ITGA9: variants seen among roughly 807,000 people sequenced by gnomAD.
ITGA9 encodes integrin subunit alpha 9.
In ITGA9, 56 loss-of-function variants were observed where a neutral mutation model predicts 127.8. The ratio of observed to expected loss-of-function variants is 0.44; its 90% CI spans 0.35 to 0.55. The LOEUF (loss-of-function observed/expected upper bound fraction) is 0.55. Among genes scored for constraint, ITGA9 ranks in the 20% least tolerant of loss-of-function variants. The pLI is 0.00. For missense variants in ITGA9, 1,196 were observed against 1,347.1 expected (o/e 0.89, Z 1.76); for synonymous variants, 508 against 514.5 (o/e 0.99, Z 0.17).
At chr3:37,490,379 CT>C (rs1698657512) in intron 4 of ITGA9, among the ~76,000 whole-genome samples, 1 of 152,202 alleles carries the variant, frequency 6.6e-6, no homozygotes, top group Admixed American at 6.5e-5. Context: ...ATAACAACTC[CT>C]TGGTGAAATT....
intron 14 of ITGA9, among the ~76,000 whole-genome samples, chr3:37,541,075 C>G (rs532038575): frequency 6.6e-6 from 1 of 152,358 alleles, no homozygotes; most frequent in East Asian, 1.9e-4. Flanking sequence ...TCACCTTCCT[C>G]TCTGCCTGTT....
chr3:37,664,875 G>T (rs1700571010), intron 17 of ITGA9, among the ~76,000 whole-genome samples: 1 of 151,640 alleles, frequency 6.6e-6, no homozygotes, highest in South Asian at 2.1e-4. Context: ...CCTGGAAAAT[G>T]TTGTCAGAAC....
chr3:37,599,962 G>T (rs558587991), intron 15 of ITGA9, among the ~76,000 whole-genome samples: 6 of 152,112 alleles, frequency 3.9e-5, no homozygotes, highest in African/African-American at 1.2e-4. Context: ...GTTGAGATTC[G>T]TAAAGCAGTA....
intron 22 of ITGA9, chr3:37,748,233 C>T: frequency 2.1e-6 from 1 of 472,550 alleles, no homozygotes; most frequent in South Asian, 1.7e-5. Flanking sequence ...ACATTATAGA[C>T]ATCAAGGGAA....
At chr3:37,507,014 A>G (rs1559522871) in intron 7 of ITGA9, among the ~76,000 whole-genome samples, 1 of 152,198 alleles carries the variant, frequency 6.6e-6, no homozygotes, top group Non-Finnish European at 1.5e-5. Context: ...CCAGTTGACT[A>G]GGCTTGACTA....
intron 3 of ITGA9, among the ~76,000 whole-genome samples, chr3:37,479,447 G>C (rs1431660844): frequency 6.6e-6 from 1 of 152,226 alleles, no homozygotes; most frequent in Non-Finnish European, 1.5e-5. Context: ...TTTTGCCATT[G>C]GGCAGAGAGT....
At chr3:37,805,241 G>A (rs913221883) in intron 27 of ITGA9, among the ~76,000 whole-genome samples, 3 of 152,006 alleles carry the variant, frequency 2.0e-5, no homozygotes, top group Admixed American at 2.0e-4. Flanking sequence ...TAAACATAGG[G>A]TCTCACTATG....
At chr3:37,526,527 G>A (rs917084240) in intron 13 of ITGA9, among the ~76,000 whole-genome samples, 4 of 152,202 alleles carry the variant, frequency 2.6e-5, no homozygotes, top group African/African-American at 9.7e-5. Context: ...CCTGGGGACC[G>A]GGAGCCTCCT....
At chr3:37,470,477 C>T (rs2125552714) in intron 1 of ITGA9, among the ~76,000 whole-genome samples, 1 of 152,240 alleles carries the variant, frequency 6.6e-6, no homozygotes, top group South Asian at 2.1e-4. Context: ...CATTTATTGG[C>T]CATTTGGCTA....
intron 17 of ITGA9, among the ~76,000 whole-genome samples, chr3:37,681,511 C>A (rs529722975): frequency 1.3e-5 from 2 of 152,154 alleles, no homozygotes; most frequent in Non-Finnish European, 2.9e-5. Context: ...AAGAGAGGGT[C>A]TGCCCCCTTT....
At chr3:37,779,301 C>T (rs1378575701) in intron 24 of ITGA9, among the ~76,000 whole-genome samples, 3 of 152,102 alleles carry the variant, frequency 2.0e-5, no homozygotes, top group Non-Finnish European at 4.4e-5. Flanking sequence ...GACAGGGTTT[C>T]ACCATGTTGG....
chr3:37,811,736 G>A (rs1697371163), intron 27 of ITGA9, among the ~76,000 whole-genome samples: 1 of 152,244 alleles, frequency 6.6e-6, no homozygotes, highest in Non-Finnish European at 1.5e-5. Flanking sequence ...TTGGAGCAAA[G>A]GGAAGTGAGA....
intron 15 of ITGA9, among the ~76,000 whole-genome samples, chr3:37,564,815 C>T (rs898352630): frequency 2.6e-5 from 4 of 152,224 alleles, no homozygotes; most frequent in African/African-American, 9.6e-5. Context: ...TCCACCACTA[C>T]AGCCACAACC....
At chr3:37,556,583 C>T (rs577832889) in intron 15 of ITGA9, among the ~76,000 whole-genome samples, 11 of 152,320 alleles carry the variant, frequency 7.2e-5, no homozygotes, top group African/African-American at 2.4e-4. Context: ...AGCGTGCACA[C>T]GAAGAACCTG....
intron 15 of ITGA9, among the ~76,000 whole-genome samples, chr3:37,601,486 TC>T (rs1410310217): frequency 1.3e-5 from 2 of 152,188 alleles, no homozygotes; most frequent in Non-Finnish European, 2.9e-5. Flanking sequence ...ACATCTGAAT[TC>T]ACTGTTAAAC....
chr3:37,792,186 A>C (rs1374503889), intron 26 of ITGA9, among the ~76,000 whole-genome samples: 1 of 152,130 alleles, frequency 6.6e-6, no homozygotes, highest in African/African-American at 2.4e-5. Context: ...TTCCAAACAC[A>C]CGAGTCATAT....
chr3:37,562,643 C>T (rs758276426), intron 15 of ITGA9, among the ~76,000 whole-genome samples: 1 of 152,148 alleles, frequency 6.6e-6, no homozygotes, highest in South Asian at 2.1e-4. Context: ...CCTCTTGGAG[C>T]GATAGCTGGC....
chr3:37,726,737 G>A (rs78791305), intron 18 of ITGA9, among the ~76,000 whole-genome samples: 3 of 152,288 alleles, frequency 2.0e-5, no homozygotes, highest in African/African-American at 7.2e-5. Flanking sequence ...CATAAGCCAA[G>A]GCCTATTCAT....
intron 15 of ITGA9, among the ~76,000 whole-genome samples, chr3:37,608,106 A>G (rs1699985580): frequency 6.6e-6 from 1 of 152,160 alleles, no homozygotes; most frequent in Non-Finnish European, 1.5e-5. Flanking sequence ...ATCTGCACAT[A>G]AACAGGCACT....
Sources: allele counts gnomAD v4.1 joint callset (sites outside exome capture counted in the v4.1 genomes callset), GRCh38; gene constraint gnomAD v4.1.1; transcripts MANE v1.5; gene names NCBI Gene and HGNC (gene_info 2026-07-23, HGNC 2026-07-21).